KCNIP4: variants seen among roughly 807,000 people sequenced by gnomAD.
The protein encoded by KCNIP4 is Kv channel-interacting protein 4.
In KCNIP4, 12 loss-of-function variants were observed where a neutral mutation model predicts 34.0. That is an observed-to-expected ratio of 0.35 (90% CI 0.23 to 0.57). The LOEUF (loss-of-function observed/expected upper bound fraction) is 0.57. Ranked by LOEUF, KCNIP4 falls within the 20% of genes least tolerant of loss-of-function variation. The pLI is 0.83. For synonymous variants in KCNIP4, 124 were observed against 102.2 expected (o/e 1.21, Z -1.29); for missense variants, 238 against 311.7 (o/e 0.76, Z 1.78).
At chr4:20,748,877 T>C (rs1471221741) in intron 5 of KCNIP4, among the ~76,000 whole-genome samples, 1 of 100,446 alleles carries the variant, frequency 1.0e-5, no homozygotes, top group Non-Finnish European at 2.1e-5. Context: ...TACGTGTGTG[T>C]GTGTATGTGT....
At chr4:20,929,877 A>G (rs1274456484) in intron 1 of KCNIP4, among the ~76,000 whole-genome samples, 2 of 152,060 alleles carry the variant, frequency 1.3e-5, no homozygotes, top group African/African-American at 2.4e-5. Context: ...AAGAAGACAC[A>G]TATAAATAGA....
chr4:20,984,047 C>T (rs1736346605), intron 1 of KCNIP4: 9 of 1,445,834 alleles, frequency 6.2e-6, no homozygotes, highest in Non-Finnish European at 8.2e-6. Context: ...TGAGCAGCTC[C>T]TGGCAGATGC....
chr4:21,747,704 C>A (rs1349343431), intron 1 of KCNIP4, among the ~76,000 whole-genome samples: 1 of 152,012 alleles, frequency 6.6e-6, no homozygotes, highest in Non-Finnish European at 1.5e-5. Context: ...TATTTTCCTA[C>A]TAGACTAGAA....
chr4:21,461,515 G>A (rs371281553), intron 1 of KCNIP4, among the ~76,000 whole-genome samples: 7 of 151,642 alleles, frequency 4.6e-5, no homozygotes, highest in East Asian at 3.9e-4. Context: ...GTAATAAGAA[G>A]AAAAATCTTT....
At chr4:20,747,497 A>C (rs1267863589) in intron 5 of KCNIP4, among the ~76,000 whole-genome samples, 1 of 152,212 alleles carries the variant, frequency 6.6e-6, no homozygotes, top group Non-Finnish European at 1.5e-5. Context: ...CTAAGCTGCC[A>C]TTAGCAAAAG....
intron 1 of KCNIP4, among the ~76,000 whole-genome samples, chr4:21,191,271 G>T (rs956104542): frequency 6.6e-6 from 1 of 152,270 alleles, no homozygotes; most frequent in African/African-American, 2.4e-5. Flanking sequence ...AGAAGAAATC[G>T]TGTTTATTGG....
intron 1 of KCNIP4, among the ~76,000 whole-genome samples, chr4:21,739,101 A>G (rs1340568261): frequency 6.6e-6 from 1 of 152,114 alleles, no homozygotes. Context: ...AAAAGGAAGG[A>G]AAGGTAAAAA....
intron 1 of KCNIP4, among the ~76,000 whole-genome samples, chr4:21,755,783 A>G (rs1157289512): frequency 6.6e-6 from 1 of 152,178 alleles, no homozygotes; most frequent in Non-Finnish European, 1.5e-5. Flanking sequence ...AACACTTGGT[A>G]TTAATATTGT....
intron 1 of KCNIP4, among the ~76,000 whole-genome samples, chr4:21,910,268 G>T (rs540765602): frequency 6.6e-6 from 1 of 152,210 alleles, no homozygotes; most frequent in African/African-American, 2.4e-5. Context: ...ATGCAAATGT[G>T]TTGTCTATAA....
chr4:21,471,025 T>C (rs1272683540), intron 1 of KCNIP4, among the ~76,000 whole-genome samples: 1 of 152,074 alleles, frequency 6.6e-6, no homozygotes, highest in African/African-American at 2.4e-5. Context: ...CTCAATGCTC[T>C]CCCTACCTCC....
At chr4:21,493,666 T>C (rs1732599811) in intron 1 of KCNIP4, among the ~76,000 whole-genome samples, 2 of 152,188 alleles carry the variant, frequency 1.3e-5, no homozygotes, top group South Asian at 4.1e-4. Flanking sequence ...TTGGTATCTT[T>C]GAGAAGACCT....
intron 1 of KCNIP4, among the ~76,000 whole-genome samples, chr4:21,366,947 AT>A (rs1375473674): frequency 6.6e-6 from 1 of 152,148 alleles, no homozygotes; most frequent in Non-Finnish European, 1.5e-5. Context: ...GAGCTGAGGC[AT>A]TTAGGAGGTG....
rs373944299 is a variant in KCNIP4 at position 21,901,550 on chromosome 4, C to G, written c.61+47021G>C. On this transcript the variant is annotated intron_variant, in intron 1 of 8. Transcript: ENST00000382152. ...TTAAATAAGACAAAGTTCATGCTCT[C>G]AAGAGGTAAAGTGGGGGCTGGAATT... 9.1e-4 allele frequency among the ~76,000 whole-genome samples: 138 copies of G among 152,244 alleles called. 1 individual carries two copies. Among genetic ancestry groups the G allele is most frequent in the African/African-American group, 3.3e-3 (136 of 41,544 alleles).
chr4:20,819,555 G>C (rs967419140), intron 3 of KCNIP4, among the ~76,000 whole-genome samples: 4 of 152,186 alleles, frequency 2.6e-5, no homozygotes, highest in African/African-American at 4.8e-5. Flanking sequence ...ACTGGCAAAA[G>C]AACATAGCAT....
At chr4:20,937,729 T>G (rs1007088494) in intron 1 of KCNIP4, among the ~76,000 whole-genome samples, 2 of 152,148 alleles carry the variant, frequency 1.3e-5, no homozygotes, top group African/African-American at 4.8e-5. Context: ...TAAGTAAAAA[T>G]TAGAGTCTGC....
At chr4:20,950,867 C>CT (rs746561415) in intron 1 of KCNIP4, among the ~76,000 whole-genome samples, 1 of 152,006 alleles carries the variant, frequency 6.6e-6, no homozygotes. Context: ...TTTTGCTTAC[C>CT]TTTTTTTCTT....
chr4:21,151,852 C>T (rs546591641), intron 1 of KCNIP4, among the ~76,000 whole-genome samples: 8 of 152,208 alleles, frequency 5.3e-5, no homozygotes, highest in South Asian at 2.1e-4. Context: ...ACAACATTGT[C>T]GGGACTTAGC....
intron 1 of KCNIP4, among the ~76,000 whole-genome samples, chr4:21,188,829 A>C (rs942486265): frequency 6.6e-6 from 1 of 152,154 alleles, no homozygotes; most frequent in Admixed American, 6.5e-5. Flanking sequence ...AGAGGGTGAG[A>C]TCTCTAACAG....
At chr4:21,339,209 A>T (rs974398274) in intron 1 of KCNIP4, among the ~76,000 whole-genome samples, 1 of 152,250 alleles carries the variant, frequency 6.6e-6, no homozygotes, top group Non-Finnish European at 1.5e-5. Context: ...ATGATAGCTC[A>T]GTGTTATCCA....
Sources: gnomAD v4.1 joint callset for allele counts (sites outside exome capture counted in the v4.1 genomes callset) on GRCh38, gnomAD v4.1.1 for gene constraint, MANE v1.5 for transcripts, NCBI Gene and HGNC (gene_info 2026-07-23, HGNC 2026-07-21) for gene names.